The following PRR16 variants were observed in gnomAD, a reference collection of about 807,000 sequenced individuals.
The protein encoded by PRR16 is protein Largen.
A neutral mutation model predicts 18.2 loss-of-function variants in PRR16; 6 were observed. The observed-to-expected ratio is 0.33, with a 90% CI of 0.18 to 0.65. The LOEUF is 0.65. Among genes scored for constraint, PRR16 ranks in the 30% least tolerant of loss-of-function variants. PRR16 has a pLI of 0.74. For missense variants in PRR16, 412 were observed against 376.6 expected (o/e 1.09, Z -0.78); for synonymous variants, 151 against 147.8 (o/e 1.02, Z -0.16).
the PRR16 span, among the ~76,000 whole-genome samples, chr5:120,761,008 A>C: frequency 6.6e-6 from 1 of 152,104 alleles, no homozygotes; most frequent in Non-Finnish European, 1.5e-5. Flanking sequence ...AAACCAGGTC[A>C]CATTTTCTAA....
At chr5:120,525,794 G>A (rs193081834) in intron 1 of PRR16, among the ~76,000 whole-genome samples, 1 of 152,124 alleles carries the variant, frequency 6.6e-6, no homozygotes, top group Admixed American at 6.5e-5. Flanking sequence ...GCCTTTAGGA[G>A]GACCCGGGAT....
downstream of PRR16, among the ~76,000 whole-genome samples, chr5:120,690,977 A>G (rs1490133628): frequency 6.6e-6 from 1 of 152,214 alleles, no homozygotes; most frequent in East Asian, 1.9e-4. Flanking sequence ...CAGGGAAAAT[A>G]AGGAGGAAAT....
At chr5:120,579,250 G>C (rs532460464) in intron 1 of PRR16, among the ~76,000 whole-genome samples, 5 of 152,072 alleles carry the variant, frequency 3.3e-5, no homozygotes, top group Non-Finnish European at 7.4e-5. Context: ...AAGCTCTTTA[G>C]TTTAATTAGA....
chr5:120,470,147 G>A (rs573254985), intron 1 of PRR16, among the ~76,000 whole-genome samples: 1 of 152,256 alleles, frequency 6.6e-6, no homozygotes, highest in African/African-American at 2.4e-5. Flanking sequence ...GATAGTTCTT[G>A]AAAAATTTCA....
At chr5:120,777,804 TAATGC>T in the PRR16 span, among the ~76,000 whole-genome samples, 1 of 152,136 alleles carries the variant, frequency 6.6e-6, no homozygotes, top group South Asian at 2.1e-4. Flanking sequence ...TGCTGATTGA[TAATGC>T]AAAATTAAAA....
At chr5:120,762,197 T>C in the PRR16 span, among the ~76,000 whole-genome samples, 2 of 152,304 alleles carry the variant, frequency 1.3e-5, no homozygotes, top group African/African-American at 4.8e-5. Context: ...AGTATCACTT[T>C]GATATGTTAA....
At chr5:120,467,314 G>C (rs1165259670) in intron 1 of PRR16, among the ~76,000 whole-genome samples, 1 of 151,976 alleles carries the variant, frequency 6.6e-6, no homozygotes, top group Non-Finnish European at 1.5e-5. Context: ...TAAATTATCG[G>C]CGAGCTCTTC....
chr5:120,560,926 A>C (rs1580725783), intron 1 of PRR16, among the ~76,000 whole-genome samples: 2 of 152,108 alleles, frequency 1.3e-5, no homozygotes, highest in Non-Finnish European at 2.9e-5. Flanking sequence ...AGTTGTACAT[A>C]GTAGCCACTA....
chr5:120,655,234 C>T (rs972058542), intron 1 of PRR16, among the ~76,000 whole-genome samples: 2 of 151,500 alleles, frequency 1.3e-5, no homozygotes, highest in African/African-American at 4.8e-5. Context: ...ATAATGAATG[C>T]TTATTTTCTC....
chr5:120,783,176 ATAGAAT>A, the PRR16 span, among the ~76,000 whole-genome samples: 1 of 152,194 alleles, frequency 6.6e-6, no homozygotes, highest in East Asian at 1.9e-4. Context: ...AGAACCAATG[ATAGAAT>A]TAGTAATATC....
At chr5:120,771,872 A>G in the PRR16 span, among the ~76,000 whole-genome samples, 3,927 of 152,080 alleles carry the variant, frequency 0.026, 75 homozygotes, top group Middle Eastern at 0.089. Context: ...TAGCCATTAA[A>G]TAATTATATT....
intron 1 of PRR16, among the ~76,000 whole-genome samples, chr5:120,629,126 A>G (rs1274119779): frequency 1.3e-5 from 2 of 152,102 alleles, no homozygotes; most frequent in African/African-American, 2.4e-5. Flanking sequence ...GAGTAAGAAC[A>G]TGTCGTATTT....
In PRR16 at chr5:120,550,149, G is replaced by A. The variant is rs75933836; in HGVS notation, c.159+85504G>A. The stretch of plus-strand genomic sequence containing the variant: ...ACAGGAAGTCCCATAGCATTTATTT[G>A]TCATTATTACTAGAAAAGCATCTTC... On this transcript the variant is annotated intron_variant, in intron 1 of 1. Coordinates refer to ENST00000407149, the MANE Select transcript of PRR16 (RefSeq NM_001300783.2). 5.5e-3 allele frequency among the ~76,000 whole-genome samples: 837 copies of A among 152,118 alleles called. 7 individuals carry two copies. The highest frequency in any genetic ancestry group is 0.019 in the African/African-American group (793 of 41,546).
the PRR16 span, among the ~76,000 whole-genome samples, chr5:120,778,243 G>C: frequency 1.3e-5 from 2 of 152,028 alleles, no homozygotes; most frequent in Admixed American, 1.3e-4. Context: ...AAATATCCTA[G>C]ATACCTGCCA....
chr5:120,788,205 C>A, the PRR16 span, among the ~76,000 whole-genome samples: 1 of 151,946 alleles, frequency 6.6e-6, no homozygotes, highest in Non-Finnish European at 1.5e-5. Flanking sequence ...AGATACTAAT[C>A]TCCTTGGAGA....
chr5:120,497,610 C>G (rs754964327), intron 1 of PRR16, among the ~76,000 whole-genome samples: 1 of 151,510 alleles, frequency 6.6e-6, no homozygotes, highest in South Asian at 2.1e-4. Flanking sequence ...AGACTGGTCT[C>G]GAACTCCTGA....
chr5:120,703,413 A>G, the PRR16 span, among the ~76,000 whole-genome samples: 1 of 152,204 alleles, frequency 6.6e-6, no homozygotes, highest in Non-Finnish European at 1.5e-5. Context: ...GGCCTGACAT[A>G]CATCAAATTT....
At chr5:120,785,549 A>G in the PRR16 span, among the ~76,000 whole-genome samples, 45 of 135,154 alleles carry the variant, frequency 3.3e-4, no homozygotes, top group African/African-American at 1.2e-3. Flanking sequence ...GTCTCTGTGT[A>G]TGTGTGTGTG....
chr5:120,765,813 A>G, the PRR16 span, among the ~76,000 whole-genome samples: 11 of 152,152 alleles, frequency 7.2e-5, no homozygotes, highest in African/African-American at 1.7e-4. Context: ...CCTGATTTCT[A>G]ATCCCACTGT....
Sources: gnomAD v4.1 joint callset for allele counts (sites outside exome capture counted in the v4.1 genomes callset) on GRCh38, gnomAD v4.1.1 for gene constraint, MANE v1.5 for transcripts, NCBI Gene and HGNC (gene_info 2026-07-23, HGNC 2026-07-21) for gene names.